Variants in SLC13A5 observed in about 807,000 individuals in gnomAD.
The protein encoded by SLC13A5 is Na(+)/citrate cotransporter.
SLC13A5 carries 25 observed loss-of-function variants against 56.5 expected under a neutral mutation model. That is an observed-to-expected ratio of 0.44 (90% CI 0.32 to 0.62). SLC13A5 has a LOEUF of 0.62. Ranked by LOEUF, SLC13A5 falls within the 20% of genes least tolerant of loss-of-function variation. The probability of loss-of-function intolerance (pLI) is 0.04; values close to 1 mark genes in which losing one functional copy is unlikely to be tolerated. For synonymous variants in SLC13A5, 307 were observed against 301.5 expected, an observed-to-expected ratio of 1.02 and a Z score of -0.19; for missense variants, 649 against 737.8, an observed-to-expected ratio of 0.88 and a Z score of 1.39.
At chr17:6,697,214 T>C (rs1298124563) in intron 6 of SLC13A5, among the ~76,000 whole-genome samples, 2 of 152,168 alleles carry the variant, frequency 1.3e-5, no homozygotes, top group African/African-American at 4.8e-5. Context: ...AGCACCTCTC[T>C]GCTGCCAACT....
rs904229846 is a variant in SLC13A5, at chr17:6,713,130, C to T, written c.102+102G>A. The T allele has an allele frequency of 3.6e-5, 44 of 1,210,748 alleles. No individual in the cohort carries two copies. The Admixed American group carries it at 6.2e-4, about 17-fold the overall frequency. 75.0% of individuals were successfully genotyped at this position (1,210,748 alleles called of 1,614,324 possible). ...GCGCGCCCCGGGAGAGCTGTGCTCCCCGCGAAATCCGTGCGCTCCAGCTCA... is the reference window on the plus strand; with the variant it reads ...GCGCGCCCCGGGAGAGCTGTGCTCCTCGCGAAATCCGTGCGCTCCAGCTCA... On this transcript the variant is annotated intron_variant, in intron 1 of 11. Transcript: ENST00000433363. This position sits in a 1 kb window ranked among gnomAD's most constrained non-coding sequence, Gnocchi z 7.3.
rs745716856 is a variant in SLC13A5 at position 6,713,313 on chromosome 17, A to G, written c.21T>C (p.Tyr7=). The G allele has an allele frequency of 6.2e-7, 1 of 1,613,930 alleles. No individual in the cohort carries two copies. Among genetic ancestry groups the G allele is most frequent in the Non-Finnish European group, 8.5e-7 (1 of 1,179,886 alleles). The part of the protein sequence containing the change: MASALS[Y]VSKFKSFVIL... ...TCACGAAGGACTTGAACTTGGAGAC[A>G]TAGCTCAGCGCCGAGGCCATCGCGC... The change falls in exon 1 of 12, where the codon TAT becomes TAC. Residue 7 remains tyrosine, a synonymous_variant. Coordinates refer to ENST00000433363, the MANE Select transcript of SLC13A5 (RefSeq NM_177550.5). This position sits in a 1 kb window ranked among gnomAD's most constrained non-coding sequence, Gnocchi z 7.3.
intron 1 of SLC13A5, 148 bp from the exon 2 acceptor site, chr17:6,707,304 G>T: frequency 9.1e-7 from 1 of 1,102,150 alleles, no homozygotes; most frequent in Non-Finnish European, 1.3e-6. Flanking sequence ...CCCCAGCCCT[G>T]GTCAGCACAG....
intron 10 of SLC13A5, chr17:6,689,909 T>C (rs1011682174): frequency 2.6e-5 from 4 of 151,828 alleles, no homozygotes; most frequent in African/African-American, 4.8e-5. Flanking sequence ...TCATCTTACT[T>C]GGCCATCAGC....
chr17:6,704,373 AG>A (rs1973808820), intron 3 of SLC13A5: 1 of 472,092 alleles, frequency 2.1e-6, no homozygotes, highest in Non-Finnish European at 4.2e-6. Flanking sequence ...CCCACCATCT[AG>A]CAGGGGAAGC....
In SLC13A5 at chr17:6,707,032, C is replaced by T. The variant is rs778196660; in HGVS notation, c.227G>A (p.Arg76Lys). Residue 76 changes from arginine (R) to lysine (K), a missense_variant, in exon 2 of 12, where the codon AGG (arginine) becomes AAG (lysine). Arg to Lys is a conservative substitution (Grantham distance 26, BLOSUM62 2). Coordinates refer to ENST00000433363, the MANE Select transcript of SLC13A5 (RefSeq NM_177550.5). ...GGATCCCTTGGGTCTGCTCACCTGC[C>T]TGGAGTCCAGAATCTGGAAGAGTGG... ...LFPLFQILDSRQVCVQYMKDT... is the reference protein window; with the variant it reads ...LFPLFQILDSKQVCVQYMKDT... 3.1e-6 allele frequency: 5 copies of T among 1,613,892 alleles called. No individual in the cohort carries two copies. The Admixed American group carries it at 8.3e-5, about 27-fold the overall frequency.
rs551514506 is a variant in SLC13A5 at position 6,707,222 on chromosome 17, G to T, written c.103-66C>A. On this transcript the variant is annotated intron_variant, in intron 1 of 11. Transcript: ENST00000433363. The stretch of plus-strand genomic sequence containing the variant: ...CCTCTCCCCACCCCCAGAACACTCC[G>T]GACGGCGGCTGGCATGGATTGTCAA... The T allele has an allele frequency of 2.5e-6, 4 of 1,587,902 alleles. No homozygotes were observed. In the East Asian group the frequency reaches 9.0e-5, roughly 36 times the overall value.
Position 6,687,759 on chromosome 17 carries a change from CGTTTGAACCTCT to C in SLC13A5, c.1438-105_1438-94del, listed in dbSNP as rs891611327. 38 of 1,425,008 alleles carry C rather than the reference CGTTTGAACCTCT, an allele frequency of 2.7e-5. No individual in the cohort carries two copies. The highest frequency in any genetic ancestry group is 3.4e-5 in the Non-Finnish European group (37 of 1,080,698). The allele number at this position is 1,425,008 out of a possible 1,614,324, so 88.3% of individuals were successfully genotyped here. A position where few individuals can be genotyped will look rare whatever the true frequency, so the allele number is the denominator to read the frequency against. ...AAGGATTCTCTGAATGTGCCGGGTACGTTTGAACCTCTGTGCCTCAGTCTTGGTTCCTCTCCC... is the reference window on the plus strand; with the variant it reads ...AAGGATTCTCTGAATGTGCCGGGTACGTGCCTCAGTCTTGGTTCCTCTCCC... On this transcript the variant is annotated intron_variant, in intron 10 of 11. Coordinates refer to ENST00000433363, the MANE Select transcript of SLC13A5 (RefSeq NM_177550.5). The surrounding 1 kb of genome is among the most constrained non-coding windows in gnomAD (Gnocchi z 5.0).
At chr17:6,704,326 C>T (rs1359194849) in intron 3 of SLC13A5, 2 of 601,012 alleles carry the variant, frequency 3.3e-6, no homozygotes, top group Non-Finnish European at 6.2e-6. Context: ...TACCAAGAGG[C>T]CTCAGATCCA....
At chr17:6,703,742 A>G (rs1160991168) in intron 4 of SLC13A5, 136 bp downstream of exon 4, 2 of 841,782 alleles carry the variant, frequency 2.4e-6, no homozygotes, top group Admixed American at 3.1e-5. Flanking sequence ...AGTATTTTCT[A>G]TTTTTTTTTC....
chr17:6,709,557 TGTG>T (rs1269629457), intron 1 of SLC13A5, among the ~76,000 whole-genome samples: 1 of 152,198 alleles, frequency 6.6e-6, no homozygotes, highest in African/African-American at 2.4e-5. Flanking sequence ...CATGAGCCAC[TGTG>T]CCCGGCCATC....
In SLC13A5 at chr17:6,686,506, C is replaced by A. The variant is rs1363139202; in HGVS notation, c.1576-168G>T. 6 of 736,796 alleles carry A rather than the reference C, an allele frequency of 8.1e-6. No individual in the cohort carries two copies. In the South Asian group the frequency reaches 9.1e-5, roughly 11 times the overall value. The allele number at this position is 736,796 out of a possible 1,614,324, so 45.6% of individuals were successfully genotyped here. A position where few individuals can be genotyped will look rare whatever the true frequency, so the allele number is the denominator to read the frequency against. On this transcript the variant is annotated intron_variant, in intron 11 of 11. Transcript: ENST00000433363. ...GTGCGACTTCATGTCCCCCAGGTAT[C>A]CTCAGTGCTCAAGGCATCCCTGGGA...
rs560594325 is a variant in SLC13A5 at position 6,708,327 on chromosome 17, C to T, written c.103-1171G>A. On this transcript the variant is annotated intron_variant, in intron 1 of 11. Coordinates refer to ENST00000433363, the MANE Select transcript of SLC13A5 (RefSeq NM_177550.5). ...TTCTATAGTCTGGTTTGTGCCCTTC[C>T]TCTGAGTACCCTCCCCAGCCATTAG... 5.3e-5 allele frequency among the ~76,000 whole-genome samples: 8 copies of T among 152,320 alleles called. No homozygotes were observed. In the South Asian group the frequency reaches 1.4e-3, roughly 28 times the overall value.
chr17:6,706,812 T>A (rs1376098532), intron 2 of SLC13A5, 34 bp from the exon 3 acceptor site: 15 of 1,611,232 alleles, frequency 9.3e-6, no homozygotes, highest in Non-Finnish European at 1.3e-5. Flanking sequence ...ATCAGGACTG[T>A]CCCTTGCCAC....
Position 6,695,728 on chromosome 17 carries a change from T to C in SLC13A5, c.1053A>G (p.Thr351=), listed in dbSNP as rs377546507. ...TTTCTATTGAATCCAAGACTTACTTTGTCTCACCCTCCACCCAGGCAACAG... is the reference window on the plus strand; with the variant it reads ...TTTCTATTGAATCCAAGACTTACTTCGTCTCACCCTCCACCCAGGCAACAG... The part of the protein sequence containing the change: ...WLTVAWVEGE[T]KYVSDATVAI... The change falls in exon 7 of 12, where the codon ACA becomes ACG. Residue 351 remains threonine, a splice_region_variant and synonymous_variant. Coordinates refer to ENST00000433363, the MANE Select transcript of SLC13A5 (RefSeq NM_177550.5). The C allele has an allele frequency of 2.4e-5, 39 of 1,613,988 alleles. No homozygotes were observed. The highest frequency in any genetic ancestry group is 2.9e-5 in the Non-Finnish European group (34 of 1,180,010).
chr17:6,690,060 GCAAAA>G (rs1303268558), intron 10 of SLC13A5: 53 of 7,934 alleles, frequency 6.7e-3, no homozygotes, highest in African/African-American at 0.018. Context: ...AGAAGGAAAT[GCAAAA>G]AAAAAAAAAA....
In SLC13A5 at chr17:6,685,884, A is replaced by T; in HGVS notation, c.*323T>A. ...CAGAGCCCTGTGTGGGGGATGCTTG[A>T]GGCAGAGCGGGTACAGCAGCCTGCA... On this transcript the variant is annotated 3_prime_UTR_variant, in exon 12 of 12. Coordinates refer to ENST00000433363, the MANE Select transcript of SLC13A5 (RefSeq NM_177550.5). The surrounding 1 kb of genome is among the most constrained non-coding windows in gnomAD (Gnocchi z 4.2). 3.0e-6 allele frequency: 1 copy of T among 330,444 alleles called. No individual in the cohort carries two copies. The highest frequency in any genetic ancestry group is 5.8e-6 in the Non-Finnish European group (1 of 172,708). The allele number at this position is 330,444 out of a possible 1,614,324, so 20.5% of individuals were successfully genotyped here. A position where few individuals can be genotyped will look rare whatever the true frequency, so the allele number is the denominator to read the frequency against.
At chr17:6,696,067 T>C in intron 6 of SLC13A5, 126 bp from the exon 7 acceptor site, 2 of 818,318 alleles carry the variant, frequency 2.4e-6, no homozygotes, top group Non-Finnish European at 3.9e-6. Flanking sequence ...TCGCCTGCTA[T>C]GGGGCCTGGA....
In SLC13A5 at chr17:6,687,727, T is replaced by A. The variant is rs1008939836; in HGVS notation, c.1438-61A>T. 2 of 1,495,576 alleles carry A rather than the reference T, an allele frequency of 1.3e-6. No homozygotes were observed. The highest frequency in any genetic ancestry group is 1.8e-6 in the Non-Finnish European group (2 of 1,125,494). The allele number at this position is 1,495,576 out of a possible 1,614,324, so 92.6% of individuals were successfully genotyped here. On this transcript the variant is annotated intron_variant, in intron 10 of 11. Transcript: ENST00000433363. This position sits in a 1 kb window ranked among gnomAD's most constrained non-coding sequence, Gnocchi z 5.0. ...AACACAGAAGCTCTTGGGGACGTGATTCTGAAAAGGATTCTCTGAATGTGC... is the reference window on the plus strand; with the variant it reads ...AACACAGAAGCTCTTGGGGACGTGAATCTGAAAAGGATTCTCTGAATGTGC...
Sources: allele counts gnomAD v4.1 joint callset (sites outside exome capture counted in the v4.1 genomes callset), GRCh38; gene constraint gnomAD v4.1.1; non-coding constraint Gnocchi (gnomAD v3.1); transcripts MANE v1.5; gene names NCBI Gene and HGNC (gene_info 2026-07-23, HGNC 2026-07-21).